The following PLEKHG7 variants were observed in gnomAD, a reference collection of about 807,000 sequenced individuals.
PLEKHG7 encodes the protein pleckstrin homology domain-containing family G member 7.
PLEKHG7 carries 77 observed loss-of-function variants against 85.2 expected under a neutral mutation model. That is an observed-to-expected ratio of 0.90 (90% CI 0.75 to 1.09). PLEKHG7 has a LOEUF of 1.09. PLEKHG7 is among the 50% of genes least tolerant of loss of function. The pLI is 0.00. For missense variants in PLEKHG7, 777 were observed against 804.3 expected (o/e 0.97, Z 0.41); for synonymous variants, 301 against 302.4 (o/e 1.00, Z 0.05).
intron 2 of PLEKHG7, 100 bp from the exon 3 acceptor site, chr12:92,707,550 A>G: frequency 1.3e-6 from 2 of 1,534,268 alleles, no homozygotes; most frequent in South Asian, 2.5e-5. Context: ...AACATGTTTT[A>G]ACTAGGAGGG....
intron 7 of PLEKHG7, among the ~76,000 whole-genome samples, chr12:92,738,261 A>G (rs1872239489): frequency 6.6e-6 from 1 of 150,990 alleles, no homozygotes; most frequent in South Asian, 2.1e-4. Flanking sequence ...TAGAAGAACA[A>G]TAGAGCAAGG....
At chr12:92,710,021 G>A (rs1388829444) in intron 3 of PLEKHG7, among the ~76,000 whole-genome samples, 3 of 152,134 alleles carry the variant, frequency 2.0e-5, no homozygotes, top group African/African-American at 4.8e-5. Context: ...ACTTTCTTGC[G>A]TCTCCTGGTG....
intron 13 of PLEKHG7, among the ~76,000 whole-genome samples, chr12:92,758,559 A>G (rs1044494650): frequency 1.3e-5 from 2 of 152,268 alleles, no homozygotes; most frequent in African/African-American, 2.4e-5. Context: ...ATGGGTTCAA[A>G]GTGACTGTCA....
intron 7 of PLEKHG7, among the ~76,000 whole-genome samples, chr12:92,738,940 C>CTATTACAAGA (rs1335209168): frequency 6.6e-6 from 1 of 152,094 alleles, no homozygotes; most frequent in Non-Finnish European, 1.5e-5. Context: ...TACAAGAGCA[C>CTATTACAAGA]GTAATAGAAA....
intron 7 of PLEKHG7, among the ~76,000 whole-genome samples, chr12:92,740,629 A>G (rs1171796899): frequency 6.6e-6 from 1 of 152,218 alleles, no homozygotes; most frequent in Non-Finnish European, 1.5e-5. Context: ...TAGAATTCAC[A>G]TAAGCAACCA....
chr12:92,740,965 G>A lies in PLEKHG7; in HGVS notation c.1035+17G>A. 2 of 1,551,438 alleles carry A rather than the reference G, an allele frequency of 1.3e-6. No homozygotes were observed. The highest frequency in any genetic ancestry group is 1.8e-6 in the Non-Finnish European group (2 of 1,124,770). On this transcript the variant is annotated intron_variant, in intron 8 of 16. Transcript: ENST00000344636. The stretch of plus-strand genomic sequence containing the variant: ...TTAACTCAGGTGAGCCAAGTAGGAA[G>A]ATTCATGTTTTAACATTCACTAGAG...
intron 5 of PLEKHG7, among the ~76,000 whole-genome samples, chr12:92,733,404 T>C (rs966934576): frequency 1.3e-5 from 2 of 152,244 alleles, no homozygotes; most frequent in Non-Finnish European, 2.9e-5. Flanking sequence ...AAGTGTATGA[T>C]TGACTTTCAC....
intron 9 of PLEKHG7, among the ~76,000 whole-genome samples, chr12:92,744,204 C>T (rs1387480269): frequency 6.6e-6 from 1 of 152,188 alleles, no homozygotes; most frequent in Non-Finnish European, 1.5e-5. Flanking sequence ...TTTCCTTCTC[C>T]AATTTCACCA....
chr12:92,710,274 A>G (rs1422959132), intron 3 of PLEKHG7, among the ~76,000 whole-genome samples: 2 of 152,186 alleles, frequency 1.3e-5, no homozygotes, highest in African/African-American at 2.4e-5. Context: ...CCTGCAAAGT[A>G]TTGTCACCTA....
At chr12:92,750,339 A>G (rs929401037) in intron 10 of PLEKHG7, among the ~76,000 whole-genome samples, 3 of 152,174 alleles carry the variant, frequency 2.0e-5, no homozygotes, top group Non-Finnish European at 4.4e-5. Flanking sequence ...TGAAAGGAAA[A>G]CTTACAGCTT....
chr12:92,748,973 GTT>G (rs1200842743), intron 10 of PLEKHG7, among the ~76,000 whole-genome samples: 1 of 152,104 alleles, frequency 6.6e-6, no homozygotes, highest in Non-Finnish European at 1.5e-5. Context: ...TATTGTTCCC[GTT>G]TTTCAGGAGT....
Position 92,772,325 on chromosome 12 carries a change from T to C in PLEKHG7, c.*2130T>C, listed in dbSNP as rs1295201702. 1 of 151,930 alleles carries C rather than the reference T, an allele frequency of 6.6e-6. No homozygotes were observed. Among genetic ancestry groups the C allele is most frequent in the Admixed American group, 6.6e-5 (1 of 15,234 alleles). The allele number at this position is 151,930 out of a possible 1,614,324, so 9.4% of individuals were successfully genotyped here. A position where few individuals can be genotyped will look rare whatever the true frequency, so the allele number is the denominator to read the frequency against. ...ATTAAATGGAATGTCTAAGGCAAAA[T>C]GGCATTAATAATTTCTCTTGAGATC... On this transcript the variant is annotated 3_prime_UTR_variant, in exon 17 of 17. Coordinates refer to ENST00000344636, the MANE Select transcript of PLEKHG7 (RefSeq NM_001377329.1).
At chr12:92,709,278 T>C (rs1278186451) in intron 3 of PLEKHG7, among the ~76,000 whole-genome samples, 4 of 152,230 alleles carry the variant, frequency 2.6e-5, no homozygotes, top group African/African-American at 4.8e-5. Flanking sequence ...TCCCCCAGAC[T>C]TTGTGAATGG....
At chr12:92,725,373 T>C (rs1455728978) in intron 3 of PLEKHG7, among the ~76,000 whole-genome samples, 1 of 152,154 alleles carries the variant, frequency 6.6e-6, no homozygotes, top group Admixed American at 6.6e-5. Context: ...TCCTCTGAGG[T>C]GTCTTAAGCC....
At chr12:92,735,843 CTTTT>C (rs151145036) in intron 5 of PLEKHG7, among the ~76,000 whole-genome samples, 1,756 of 151,926 alleles carry the variant, frequency 0.012, 45 homozygotes, top group African/African-American at 0.041. Flanking sequence ...ACATTTCATG[CTTTT>C]TTTTGTTTGT....
At chr12:92,721,466 C>A (rs1871639017) in intron 3 of PLEKHG7, 1 of 1,230,880 alleles carries the variant, frequency 8.1e-7, no homozygotes, top group Non-Finnish European at 1.0e-6. Flanking sequence ...GAGACTATTC[C>A]AGCAGCCATG....
At chr12:92,737,789 G>A (rs1872220643) in intron 7 of PLEKHG7, among the ~76,000 whole-genome samples, 1 of 62,908 alleles carries the variant, frequency 1.6e-5, no homozygotes, top group Admixed American at 2.1e-4. Flanking sequence ...GAGGGAACGG[G>A]AGGCCAGGTG....
intron 13 of PLEKHG7, 98 bp from the exon 14 acceptor site, chr12:92,761,644 AAGAAAGAAAG>A (rs1192387357): frequency 1.6e-5 from 15 of 951,296 alleles, no homozygotes; most frequent in African/African-American, 9.0e-5. Flanking sequence ...GAAAGAAAGA[AAGAAAGAAAG>A]AAAGAAAGAA....
chr12:92,764,195 G>T lies in PLEKHG7; in HGVS notation c.1870+1G>T. 6.3e-7 allele frequency: 1 copy of T among 1,598,894 alleles called. No individual in the cohort carries two copies. The highest frequency in any genetic ancestry group is 1.1e-5 in the South Asian group (1 of 88,126). On this transcript the variant is annotated splice_donor_variant, in intron 15 of 16. Transcript: ENST00000344636. LOFTEE classifies it high-confidence loss of function. ...AGTATTGAACCACTCCATGTGTCAGGTATGTGTCTATTTTCATTATTCAGC... is the reference window on the plus strand; with the variant it reads ...AGTATTGAACCACTCCATGTGTCAGTTATGTGTCTATTTTCATTATTCAGC...
Sources: gnomAD v4.1 joint callset for allele counts (sites outside exome capture counted in the v4.1 genomes callset) on GRCh38, gnomAD v4.1.1 for gene constraint, MANE v1.5 for transcripts, NCBI Gene and HGNC (gene_info 2026-07-23, HGNC 2026-07-21) for gene names.